CNBD1: variants seen among roughly 807,000 people sequenced by gnomAD.
CNBD1 encodes cyclic nucleotide binding domain containing 1.
In CNBD1, 71 loss-of-function variants were observed where a neutral mutation model predicts 54.4. That is an observed-to-expected ratio of 1.30 (90% CI 1.08 to 1.59). The LOEUF (loss-of-function observed/expected upper bound fraction) is 1.59. CNBD1 is among the 40% of genes most tolerant of loss of function. The pLI, the probability that CNBD1 is intolerant of heterozygous loss-of-function variation, is 0.00. For missense variants in CNBD1, 659 were observed against 518.0 expected (o/e 1.27, Z -2.64); for synonymous variants, 182 against 170.7 (o/e 1.07, Z -0.51).
chr8:87,326,317 G>A (rs571585396), intron 8 of CNBD1, among the ~76,000 whole-genome samples: 7 of 122,512 alleles, frequency 5.7e-5, no homozygotes, highest in South Asian at 4.8e-4. Flanking sequence ...TCTTTGTGGC[G>A]TTCTCTGTAT....
intron 8 of CNBD1, among the ~76,000 whole-genome samples, chr8:87,296,403 G>A (rs1325805240): frequency 6.6e-6 from 1 of 152,094 alleles, no homozygotes; most frequent in Non-Finnish European, 1.5e-5. Context: ...GAGGGAGAAA[G>A]GGGGAAGAAG....
At chr8:87,310,077 A>G (rs1001993021) in intron 8 of CNBD1, among the ~76,000 whole-genome samples, 2 of 152,108 alleles carry the variant, frequency 1.3e-5, no homozygotes, top group Non-Finnish European at 2.9e-5. Flanking sequence ...AATCCCAGAC[A>G]GATATGGTGG....
intron 4 of CNBD1, among the ~76,000 whole-genome samples, chr8:87,066,627 A>G (rs1586233205): frequency 6.6e-6 from 1 of 151,922 alleles, no homozygotes; most frequent in East Asian, 1.9e-4. Context: ...TTAAACAATA[A>G]TTCAGTGTGC....
chr8:87,331,759 C>A (rs559182165), intron 8 of CNBD1, among the ~76,000 whole-genome samples: 1 of 152,172 alleles, frequency 6.6e-6, no homozygotes, highest in Non-Finnish European at 1.5e-5. Flanking sequence ...GCCATTCTGA[C>A]TGGCATGAAG....
At chr8:86,915,777 C>T (rs1159571812) in intron 3 of CNBD1, among the ~76,000 whole-genome samples, 1 of 152,174 alleles carries the variant, frequency 6.6e-6, no homozygotes, top group Non-Finnish European at 1.5e-5. Flanking sequence ...ATTGCCTTGA[C>T]ATATAGTGTC....
intron 2 of CNBD1, among the ~76,000 whole-genome samples, chr8:87,406,243 G>A (rs1007740547): frequency 6.6e-6 from 1 of 151,882 alleles, no homozygotes; most frequent in Non-Finnish European, 1.5e-5. Flanking sequence ...AGTGAAAATT[G>A]TTCATAAACA....
chr8:86,945,727 A>G (rs1807449859), intron 4 of CNBD1, among the ~76,000 whole-genome samples: 2 of 152,252 alleles, frequency 1.3e-5, no homozygotes. Flanking sequence ...TATATTTCTG[A>G]CACAAATGGT....
At chr8:86,899,599 A>G (rs944724805) in intron 2 of CNBD1, among the ~76,000 whole-genome samples, 4 of 152,080 alleles carry the variant, frequency 2.6e-5, no homozygotes, top group Non-Finnish European at 5.9e-5. Context: ...TAAAGATTTT[A>G]TATATAACTT....
intron 4 of CNBD1, among the ~76,000 whole-genome samples, chr8:87,033,390 A>G (rs1380268839): frequency 6.6e-6 from 1 of 152,182 alleles, no homozygotes; most frequent in Admixed American, 6.5e-5. Context: ...TTTAAAAGGC[A>G]ATTTCTTACT....
chr8:87,394,566 T>C (rs1035203689), intron 2 of CNBD1, among the ~76,000 whole-genome samples: 1 of 151,962 alleles, frequency 6.6e-6, no homozygotes, highest in Non-Finnish European at 1.5e-5. Context: ...CCTGTTGTTT[T>C]ATCTGCTTTT....
intron 2 of CNBD1, among the ~76,000 whole-genome samples, chr8:86,904,479 T>C (rs563879349): frequency 1.3e-5 from 2 of 152,142 alleles, no homozygotes; most frequent in East Asian, 3.9e-4. Flanking sequence ...TAGCTACATA[T>C]AAGAGTCATC....
At chr8:87,099,065 A>AAAAAAC (rs978372704) in intron 4 of CNBD1, among the ~76,000 whole-genome samples, 1 of 143,984 alleles carries the variant, frequency 6.9e-6, no homozygotes, top group African/African-American at 2.8e-5. Flanking sequence ...AAAAAACAAA[A>AAAAAAC]CTCCAAATTT....
intron 10 of CNBD1, among the ~76,000 whole-genome samples, chr8:87,358,964 G>A (rs1810477668): frequency 6.6e-6 from 1 of 152,114 alleles, no homozygotes; most frequent in Non-Finnish European, 1.5e-5. Context: ...GTTTGCATTG[G>A]TGTTGGTGGA....
chr8:87,275,897 A>G (rs971764057), intron 6 of CNBD1, among the ~76,000 whole-genome samples: 1 of 151,946 alleles, frequency 6.6e-6, no homozygotes, highest in Non-Finnish European at 1.5e-5. Flanking sequence ...AAATCAATGT[A>G]CAAAAATCAC....
intron 4 of CNBD1, among the ~76,000 whole-genome samples, chr8:87,104,659 C>A (rs1811496948): frequency 6.6e-6 from 1 of 152,152 alleles, no homozygotes; most frequent in Non-Finnish European, 1.5e-5. Flanking sequence ...ACTAAGCCCA[C>A]CTCCTCACCT....
chr8:87,321,326 C>T (rs192678302), intron 8 of CNBD1, among the ~76,000 whole-genome samples: 21 of 152,260 alleles, frequency 1.4e-4, no homozygotes, highest in African/African-American at 4.8e-4. Flanking sequence ...TTCAACATGT[C>T]CTTACCAATT....
chr8:87,147,394 G>A (rs1812512269), intron 4 of CNBD1, among the ~76,000 whole-genome samples: 1 of 151,786 alleles, frequency 6.6e-6, no homozygotes, highest in South Asian at 2.1e-4. Context: ...TATACATGAA[G>A]GACATACTTT....
intron 8 of CNBD1, among the ~76,000 whole-genome samples, chr8:87,327,597 C>A: frequency 6.6e-6 from 1 of 152,134 alleles, no homozygotes; most frequent in African/African-American, 2.4e-5. Context: ...TTTTTTGACT[C>A]AGAAAGGGAA....
chr8:87,286,322 G>A (rs1808697583), intron 7 of CNBD1, among the ~76,000 whole-genome samples: 1 of 152,124 alleles, frequency 6.6e-6, no homozygotes, highest in African/African-American at 2.4e-5. Context: ...AATTATGAAA[G>A]GTGAGCAAAT....
Sources: allele counts gnomAD v4.1 joint callset (sites outside exome capture counted in the v4.1 genomes callset), GRCh38; gene constraint gnomAD v4.1.1; transcripts MANE v1.5; gene names NCBI Gene and HGNC (gene_info 2026-07-23, HGNC 2026-07-21).